Variants in MAG observed in about 807,000 individuals in gnomAD.
The protein encoded by MAG is myelin-associated glycoprotein.
In MAG, 30 loss-of-function variants were observed where a neutral mutation model predicts 60.7. The observed-to-expected ratio is 0.49, with a 90% CI of 0.37 to 0.67. The LOEUF (loss-of-function observed/expected upper bound fraction) is 0.67. Among genes scored for constraint, MAG ranks in the 30% least tolerant of loss-of-function variants. MAG has a pLI of 0.00. For missense variants in MAG, 795 were observed against 851.7 expected, an observed-to-expected ratio of 0.93 and a Z score of 0.83; for synonymous variants, 384 against 376.8, an observed-to-expected ratio of 1.02 and a Z score of -0.22.
Position 35,313,302 on chromosome 19 carries a change from C to G in MAG, c.1729C>G (p.Leu577Val). 6.2e-7 allele frequency: 1 copy of G among 1,613,648 alleles called. No individual in the cohort carries two copies. The highest frequency in any genetic ancestry group is 2.2e-5 in the East Asian group (1 of 44,874). The change falls in exon 11 of 11, where the codon CTG (leucine) becomes GTG (valine). Residue 577 changes from leucine (L) to valine (V), a missense_variant. Transcript: ENST00000392213. Reference sequence around the variant, plus strand: ...TTTCCCCTCTTAGAGCGAGAGGCGCCTGGGATCTGAGAGGAGGCTGCTGGG... The same window carrying G: ...TTTCCCCTCTTAGAGCGAGAGGCGCGTGGGATCTGAGAGGAGGCTGCTGGG... ...APEKYESERR[L>V]GSERRLLGLR...
At chr19:35,302,805 T>G (rs1324475087) in intron 7 of MAG, 97 bp downstream of exon 7, 1 of 1,460,434 alleles carries the variant, frequency 6.8e-7, no homozygotes, top group Admixed American at 1.8e-5. Flanking sequence ...AGTATTGGCT[T>G]TGCCTGTCCT....
At chr19:35,312,123 C>CCTCCTGTG in intron 10 of MAG, 106 bp downstream of exon 10, 1 of 1,293,680 alleles carries the variant, frequency 7.7e-7, no homozygotes, top group Non-Finnish European at 1.1e-6. Context: ...AGCGGCCTCT[C>CCTCCTGTG]ACAGGAGGAG....
chr19:35,310,290 T>C, intron 8 of MAG, 129 bp downstream of exon 8: 2 of 1,292,962 alleles, frequency 1.5e-6, no homozygotes, highest in South Asian at 3.1e-5. Flanking sequence ...AAATTCTCCC[T>C]TTCCGGTTGG....
At chr19:35,305,879 C>T (rs911805070) in intron 7 of MAG, among the ~76,000 whole-genome samples, 6 of 152,138 alleles carry the variant, frequency 3.9e-5, no homozygotes, top group Non-Finnish European at 5.9e-5. Flanking sequence ...CGCTTGAGCC[C>T]GGGGGGTGGA....
intron 6 of MAG, among the ~76,000 whole-genome samples, chr19:35,301,693 G>A (rs1202481995): frequency 6.6e-6 from 1 of 152,026 alleles, no homozygotes; most frequent in Non-Finnish European, 1.5e-5. Context: ...GCCTCCCAAA[G>A]TGCTGGGATT....
rs2066392086 is a variant in MAG, at chr19:35,295,735, G to A, written c.169G>A (p.Gly57Ser). ...TGAGCTGCGGCCCGCTGTGGTGCAT[G>A]GTGTCTGGTACTTCAATAGCCCCTA... ...PDELRPAVVHGVWYFNSPYPK... is the reference protein window; with the variant it reads ...PDELRPAVVHSVWYFNSPYPK... Residue 57 changes from glycine to serine, a missense_variant, in exon 4 of 11, where the codon GGT becomes AGT. Physicochemically the swap from Gly to Ser is moderately conservative, Grantham distance 56. Transcript: ENST00000392213. The surrounding 1 kb of genome is among the most constrained non-coding windows in gnomAD (Gnocchi z 5.8). The A allele has an allele frequency of 6.2e-7, 1 of 1,613,910 alleles. No individual in the cohort carries two copies. Among genetic ancestry groups the A allele is most frequent in the Non-Finnish European group, 8.5e-7 (1 of 1,180,018 alleles).
Position 35,293,114 on chromosome 19 carries a change from C to T in MAG, c.-80+910C>T, listed in dbSNP as rs1599645271. 6.6e-6 allele frequency among the ~76,000 whole-genome samples: 1 copy of T among 152,138 alleles called. No homozygotes were observed. Among genetic ancestry groups the T allele is most frequent in the East Asian group, 1.9e-4 (1 of 5,188 alleles). ...TTTCATGTCTGCCCGGGCACGTGCT[C>T]ATCCTCATCTGCATCTCTCTCCTGT... On this transcript the variant is annotated intron_variant, in intron 1 of 10. Coordinates refer to ENST00000392213, the MANE Select transcript of MAG (RefSeq NM_002361.4). The surrounding 1 kb of genome is among the most constrained non-coding windows in gnomAD (Gnocchi z 4.0).
In MAG at chr19:35,295,341, C is replaced by T; in HGVS notation, c.-23-45C>T. 2 of 1,556,254 alleles carry T rather than the reference C, an allele frequency of 1.3e-6. No individual in the cohort carries two copies. Among genetic ancestry groups the T allele is most frequent in the African/African-American group, 1.4e-5 (1 of 73,938 alleles). The stretch of plus-strand genomic sequence containing the variant: ...TTCCTGAAGCCCAGATGGAACACCC[C>T]CTTTCACTTCCCCCAGCCTTTAACC... On this transcript the variant is annotated intron_variant, in intron 2 of 10. Transcript: ENST00000392213. The surrounding 1 kb of genome is among the most constrained non-coding windows in gnomAD (Gnocchi z 5.8).
At chr19:35,311,767 G>A (rs2066528834) in intron 9 of MAG, 151 bp from the exon 10 acceptor site, 3 of 626,088 alleles carry the variant, frequency 4.8e-6, no homozygotes, top group Non-Finnish European at 8.9e-6. Flanking sequence ...TGGGCTGTGT[G>A]GGTAGGAGAG....
chr19:35,301,693 G>C (rs1202481995), intron 6 of MAG, among the ~76,000 whole-genome samples: 1 of 152,026 alleles, frequency 6.6e-6, no homozygotes, highest in African/African-American at 2.4e-5. Flanking sequence ...GCCTCCCAAA[G>C]TGCTGGGATT....
chr19:35,299,982 G>T, intron 5 of MAG, 132 bp downstream of exon 5: 1 of 950,208 alleles, frequency 1.1e-6, no homozygotes, highest in Non-Finnish European at 1.4e-6. Context: ...GGCCAGGCAG[G>T]GATTGGGGGG....
At chr19:35,305,118 G>C (rs2066474695) in intron 7 of MAG, among the ~76,000 whole-genome samples, 1 of 152,130 alleles carries the variant, frequency 6.6e-6, no homozygotes, top group African/African-American at 2.4e-5. Context: ...TCACCTGCTA[G>C]ACTTGAGGGG....
At position 35,295,849 on chromosome 19, in the gene MAG, C is replaced by A. The variant is rs768209020; in HGVS notation, c.283C>A (p.Leu95Met). 1.2e-6 allele frequency: 2 copies of A among 1,614,060 alleles called. No individual in the cohort carries two copies. Among genetic ancestry groups the A allele is most frequent in the Admixed American group, 3.3e-5 (2 of 60,030 alleles). The change falls in exon 4 of 11, where the codon CTG (leucine) becomes ATG (methionine). Residue 95 changes from leucine to methionine, a missense_variant. By Grantham distance (15) the Leu-to-Met change is conservative (BLOSUM62 2). Coordinates refer to ENST00000392213, the MANE Select transcript of MAG (RefSeq NM_002361.4). This position sits in a 1 kb window ranked among gnomAD's most constrained non-coding sequence, Gnocchi z 5.8. ...GGGCCGCAGCCGCCTCCTGGGGGAC[C>A]TGGGCCTGCGAAACTGCACCCTCCT... is the stretch of plus-strand genomic sequence containing the variant. ...FQGRSRLLGD[L>M]GLRNCTLLLS...
In MAG at chr19:35,300,257, C is replaced by T. The variant is rs148340211; in HGVS notation, c.823C>T (p.Arg275Trp). ...CCCCCCGCCGCTGCTGACCTGGATGCGGGACGGGACAGTCCTCCGGGAGGC... is the reference window on the plus strand; with the variant it reads ...CCCCCCGCCGCTGCTGACCTGGATGTGGGACGGGACAGTCCTCCGGGAGGC... ...SNPPPLLTWM[R>W]DGTVLREAVA... Residue 275 changes from arginine to tryptophan, a missense_variant, in exon 6 of 11, where the codon CGG becomes TGG. By Grantham distance (101) the Arg-to-Trp change is moderately radical. Transcript: ENST00000392213. The T allele has an allele frequency of 1.9e-5, 31 of 1,594,510 alleles. No homozygotes were observed. Among genetic ancestry groups the T allele is most frequent in the Non-Finnish European group, 2.6e-5 (30 of 1,174,822 alleles).
rs376265373 is a variant in MAG, at chr19:35,313,404, T to C, written c.1831T>C (p.Tyr611His). 1 of 1,613,944 alleles carries C rather than the reference T, an allele frequency of 6.2e-7. No homozygotes were observed. The highest frequency in any genetic ancestry group is 8.5e-7 in the Non-Finnish European group (1 of 1,179,932). The change falls in exon 11 of 11, where the codon TAC becomes CAC. Residue 611 changes from tyrosine (Y) to histidine (H), a missense_variant. Physicochemically the swap from Tyr to His is moderately conservative, Grantham distance 83. Coordinates refer to ENST00000392213, the MANE Select transcript of MAG (RefSeq NM_002361.4). The part of the protein sequence containing the change: ...DLGKRPTKDS[Y>H]TLTEELAEYA... ...GGGGAAACGGCCCACCAAGGACAGC[T>C]ACACGCTGACGGAGGAGCTAGCTGA... is the stretch of plus-strand genomic sequence containing the variant.
intron 10 of MAG, 151 bp from the exon 11 acceptor site, chr19:35,313,139 C>A: frequency 1.4e-6 from 1 of 697,788 alleles, no homozygotes; most frequent in Non-Finnish European, 2.2e-6. Context: ...GACCGCAGGG[C>A]TCGCTGGGCC....
At chr19:35,300,437 A>C in intron 6 of MAG, 33 bp downstream of exon 6, 1 of 1,524,740 alleles carries the variant, frequency 6.6e-7, no homozygotes, top group African/African-American at 1.4e-5. Context: ...CCACACGCCC[A>C]CCTGCAGCCG....
chr19:35,292,185 G>A lies in MAG; in HGVS notation c.-99G>A, dbSNP rs1353146019. 1 of 455,284 alleles carries A rather than the reference G, an allele frequency of 2.2e-6. No individual in the cohort carries two copies. The highest frequency in any genetic ancestry group is 4.4e-6 in the Non-Finnish European group (1 of 226,914). The allele number at this position is 455,284 out of a possible 1,614,324, so 28.2% of individuals were successfully genotyped here. ...CGAGCTGGGCTGGCGGAGCAGAGGT[G>A]CAGAAGCAACTGAGTCCAAGTGAGT... On this transcript the variant is annotated 5_prime_UTR_variant, in exon 1 of 11. Transcript: ENST00000392213.
intron 10 of MAG, chr19:35,312,677 C>T (rs1300662668): frequency 2.0e-5 from 8 of 391,356 alleles, no homozygotes; most frequent in South Asian, 1.2e-4. Context: ...AGATGGGGTC[C>T]TGACTAGGTG....
Sources: gnomAD v4.1 joint callset for allele counts (sites outside exome capture counted in the v4.1 genomes callset) on GRCh38, gnomAD v4.1.1 for gene constraint, Gnocchi (gnomAD v3.1) non-coding constraint, MANE v1.5 for transcripts, NCBI Gene and HGNC (gene_info 2026-07-23, HGNC 2026-07-21) for gene names.